Variants in GOLGA1 observed in about 807,000 individuals in gnomAD.
GOLGA1 encodes golgin A1.
Under a neutral mutation model 119.7 loss-of-function variants are expected in GOLGA1, and 63 were observed. The observed-to-expected ratio is 0.53, with a 90% CI of 0.43 to 0.65. GOLGA1 has a LOEUF of 0.65. GOLGA1 is among the 30% of genes least tolerant of loss of function. The probability of loss-of-function intolerance (pLI) is 0.00; values close to 1 mark genes in which losing one functional copy is unlikely to be tolerated. For synonymous variants in GOLGA1, 318 were observed against 333.4 expected (o/e 0.95, Z 0.50); for missense variants, 798 against 912.8 (o/e 0.87, Z 1.62).
At chr9:124,921,966 G>T (rs530077324) in intron 8 of GOLGA1, 74 bp from the exon 9 acceptor site, 3 of 1,278,438 alleles carry the variant, frequency 2.3e-6, no homozygotes, top group Non-Finnish European at 2.2e-6. Flanking sequence ...GCTGGCTCAC[G>T]CCTGTAATCC....
chr9:124,898,520 A>G (rs1430466305), intron 15 of GOLGA1, 29 bp downstream of exon 15: 1 of 1,280,524 alleles, frequency 7.8e-7, no homozygotes, highest in Non-Finnish European at 1.1e-6. Context: ...GAACACTTTT[A>G]TGAAACTTTG....
At chr9:124,897,404 G>A (rs929351060) in intron 15 of GOLGA1, among the ~76,000 whole-genome samples, 2 of 152,128 alleles carry the variant, frequency 1.3e-5, no homozygotes, top group African/African-American at 2.4e-5. Context: ...GAGTGCAGTG[G>A]CATGATCTTG....
At chr9:124,885,489 A>G (rs1829701132) in intron 19 of GOLGA1, among the ~76,000 whole-genome samples, 1 of 151,586 alleles carries the variant, frequency 6.6e-6, no homozygotes, top group Non-Finnish European at 1.5e-5. Flanking sequence ...TGTCTCAAAA[A>G]AAAAAAAAAA....
chr9:124,899,818 G>A (rs1482357102), intron 13 of GOLGA1, among the ~76,000 whole-genome samples: 2 of 152,366 alleles, frequency 1.3e-5, no homozygotes, highest in East Asian at 3.9e-4. Flanking sequence ...TGGGGAGGCA[G>A]TATAATACAG....
chr9:124,908,908 G>A (rs1404585570), intron 11 of GOLGA1, among the ~76,000 whole-genome samples: 4 of 152,170 alleles, frequency 2.6e-5, no homozygotes, highest in Non-Finnish European at 5.9e-5. Flanking sequence ...GATGGGTTTA[G>A]GTCAAAAAAC....
upstream of GOLGA1, among the ~76,000 whole-genome samples, chr9:124,941,717 G>T (rs185057516): frequency 1.4e-3 from 210 of 152,320 alleles, 3 homozygotes; most frequent in African/African-American, 4.7e-3. Context: ...AAAAACGCTG[G>T]TGGCAGCTCA....
chr9:124,922,026 G>C (rs189688865), intron 8 of GOLGA1, 134 bp from the exon 9 acceptor site: 51 of 725,648 alleles, frequency 7.0e-5, no homozygotes, highest in Middle Eastern at 3.9e-4. Context: ...TCAGGAGTTT[G>C]AGACCAGCCT....
intron 10 of GOLGA1, 152 bp from the exon 11 acceptor site, chr9:124,912,178 A>G (rs547798045): frequency 1.7e-5 from 12 of 687,856 alleles, no homozygotes; most frequent in Non-Finnish European, 2.6e-5. Context: ...AATGGGATAC[A>G]GAAAATGCAA....
intron 12 of GOLGA1, among the ~76,000 whole-genome samples, chr9:124,902,462 G>C (rs549686027): frequency 1.3e-4 from 20 of 151,004 alleles, no homozygotes; most frequent in African/African-American, 4.6e-4. Flanking sequence ...ATGCAGCTTG[G>C]TGAAGGAGAG....
intron 15 of GOLGA1, among the ~76,000 whole-genome samples, chr9:124,898,213 T>C (rs899229120): frequency 6.6e-6 from 1 of 152,230 alleles, no homozygotes; most frequent in African/African-American, 2.4e-5. Flanking sequence ...AGCATGACTT[T>C]CAAGCAGCTG....
chr9:124,906,056 G>A (rs1830222821), intron 12 of GOLGA1, among the ~76,000 whole-genome samples: 2 of 151,432 alleles, frequency 1.3e-5, no homozygotes, highest in South Asian at 4.2e-4. Context: ...GAGGTTGCAG[G>A]GAGCCGAGAT....
At position 124,929,255 on chromosome 9, in the gene GOLGA1, T is replaced by G; in HGVS notation, c.262A>C (p.Lys88Gln). 6.2e-7 allele frequency: 1 copy of G among 1,611,172 alleles called. No homozygotes were observed. The highest frequency in any genetic ancestry group is 8.5e-7 in the Non-Finnish European group (1 of 1,177,366). ...AEQVRNLQKI[K>Q]EKLEIALEKH... Reference sequence around the variant, plus strand: ...TCTAATGCAATTTCAAGCTTCTCTTTTATCTTCTGCAAGTTTCGGACCTGT... The same window carrying G: ...TCTAATGCAATTTCAAGCTTCTCTTGTATCTTCTGCAAGTTTCGGACCTGT... Residue 88 changes from lysine to glutamine, a missense_variant, in exon 5 of 23, where the codon AAA becomes CAA. Lys to Gln is a moderately conservative substitution (Grantham distance 53, BLOSUM62 1). Transcript: ENST00000373555.
At chr9:124,931,086 C>A (rs1433179492) in intron 4 of GOLGA1, among the ~76,000 whole-genome samples, 1 of 152,064 alleles carries the variant, frequency 6.6e-6, no homozygotes, top group East Asian at 1.9e-4. Flanking sequence ...ATTTCCATGG[C>A]TAGAAACCTC....
chr9:124,912,076 C>T, intron 10 of GOLGA1, 50 bp from the exon 11 acceptor site: 2 of 1,566,604 alleles, frequency 1.3e-6, no homozygotes, highest in East Asian at 2.3e-5. Context: ...TCTCTTCCTT[C>T]CTTCCTGCTT....
intron 19 of GOLGA1, among the ~76,000 whole-genome samples, chr9:124,887,146 G>A (rs545428003): frequency 3.3e-5 from 5 of 152,340 alleles, no homozygotes; most frequent in Non-Finnish European, 7.3e-5. Context: ...CAGACCCGAC[G>A]CTGAACAAGG....
rs1447910477 is a variant in GOLGA1, at chr9:124,931,318, G to C, written c.224C>G (p.Ser75Cys). The C allele has an allele frequency of 1.4e-6, 2 of 1,479,888 alleles. No individual in the cohort carries two copies. 91.7% of individuals were successfully genotyped at this position (1,479,888 alleles called of 1,614,324 possible). ...EQIRKLEARL[S>C]DYAEQVRNLQ... The stretch of plus-strand genomic sequence containing the variant: ...TTTTTATGAGTTCTTAGACATACCA[G>C]AAAGTCTGGCCTCTAACTTCCGTAT... Residue 75 changes from serine to cysteine, a missense_variant and splice_region_variant, in exon 4 of 23, where the codon TCT (serine) becomes TGT (cysteine). Ser to Cys is a moderately radical substitution (Grantham distance 112). Transcript: ENST00000373555.
intron 10 of GOLGA1, among the ~76,000 whole-genome samples, chr9:124,917,542 ATC>A (rs1368244748): frequency 1.3e-5 from 2 of 152,020 alleles, no homozygotes; most frequent in East Asian, 3.9e-4. Flanking sequence ...ACCCATTATT[ATC>A]TTCACCACCA....
At chr9:124,899,695 C>T (rs144207453) in intron 13 of GOLGA1, among the ~76,000 whole-genome samples, 2 of 152,346 alleles carry the variant, frequency 1.3e-5, no homozygotes, top group Non-Finnish European at 2.9e-5. Context: ...TCACTCCATC[C>T]TCAAGGTGTG....
chr9:124,880,597 C>A lies in GOLGA1; in HGVS notation c.2237G>T (p.Gly746Val). The A allele has an allele frequency of 6.2e-7, 1 of 1,606,136 alleles. No homozygotes were observed. Among genetic ancestry groups the A allele is most frequent in the South Asian group, 1.1e-5 (1 of 90,902 alleles). The change falls in exon 23 of 23, where the codon GGG (glycine) becomes GTG (valine). Residue 746 changes from glycine to valine, a missense_variant. By Grantham distance (109) the Gly-to-Val change is moderately radical. Coordinates refer to ENST00000373555, the MANE Select transcript of GOLGA1 (RefSeq NM_002077.4). ...ETLEYKMSWF[G>V]SKPAPKGSIR... ...GCTGCCCTTGGGAGCTGGTTTGGAC[C>A]CAAACCATGACATCTGCATTTGAAA...
Sources: gnomAD v4.1 joint callset for allele counts (sites outside exome capture counted in the v4.1 genomes callset) on GRCh38, gnomAD v4.1.1 for gene constraint, MANE v1.5 for transcripts, NCBI Gene and HGNC (gene_info 2026-07-23, HGNC 2026-07-21) for gene names.